Variants in TMC1 observed in about 807,000 individuals in gnomAD.
TMC1 encodes transmembrane channel like 1.
In TMC1, 84 loss-of-function variants were observed where a neutral mutation model predicts 105.8. That is an observed-to-expected ratio of 0.79 (90% CI 0.67 to 0.95). The LOEUF is 0.95. TMC1 is among the 40% of genes least tolerant of loss of function. The pLI, the probability that TMC1 is intolerant of heterozygous loss-of-function variation, is 0.00. For synonymous variants in TMC1, 315 were observed against 311.5 expected (o/e 1.01, Z -0.12); for missense variants, 817 against 914.1 (o/e 0.89, Z 1.37).
chr9:72,527,801 T>C (rs1351235975), intron 1 of TMC1, among the ~76,000 whole-genome samples: 1 of 152,228 alleles, frequency 6.6e-6, no homozygotes, highest in East Asian at 1.9e-4. Context: ...CTCTGGGTGT[T>C]CTGCCTCTAT....
intron 13 of TMC1, among the ~76,000 whole-genome samples, chr9:72,783,290 A>G (rs1285338868): frequency 6.6e-6 from 1 of 152,178 alleles, no homozygotes; most frequent in African/African-American, 2.4e-5. Flanking sequence ...AGCCTCTAAA[A>G]CAGGGAAACC....
chr9:72,834,576 G>A lies in TMC1; in HGVS notation c.2261-1375G>A, dbSNP rs113322728. 6.8e-4 allele frequency among the ~76,000 whole-genome samples: 103 copies of A among 152,208 alleles called. 1 individual carries two copies. The highest frequency in any genetic ancestry group is 2.4e-3 in the African/African-American group (99 of 41,534). ...ACTCCTGCCCAGAGAGTAAAGATTT[G>A]CCTGGCAAATCTGTAGCACCTGAGT... On this transcript the variant is annotated intron_variant, in intron 23 of 23. Coordinates refer to ENST00000297784, the MANE Select transcript of TMC1 (RefSeq NM_138691.3).
At chr9:72,624,436 T>C (rs60661139) in intron 3 of TMC1, among the ~76,000 whole-genome samples, 16,910 of 152,198 alleles carry the variant, frequency 0.11, 954 homozygotes, top group Non-Finnish European at 0.13. Context: ...TTCAAATCTT[T>C]TTTTCTTGTC....
At chr9:72,688,671 A>G (rs1826414543) in intron 5 of TMC1, 38 bp from the exon 6 acceptor site, 2 of 1,553,366 alleles carry the variant, frequency 1.3e-6, no homozygotes, top group Non-Finnish European at 8.9e-7. Context: ...TTGTACAGGC[A>G]TTTAAATAAT....
At chr9:72,805,017 T>C (rs771773425) in intron 17 of TMC1, among the ~76,000 whole-genome samples, 2 of 152,206 alleles carry the variant, frequency 1.3e-5, no homozygotes, top group East Asian at 1.9e-4. Context: ...CCCTCTATCA[T>C]ATACGTTGCA....
At chr9:72,741,305 G>A (rs974943341) in intron 9 of TMC1, 2 of 322,082 alleles carry the variant, frequency 6.2e-6, no homozygotes, top group South Asian at 4.1e-5. Flanking sequence ...CCACCTTATA[G>A]TATTTCAGGA....
At chr9:72,645,817 C>T (rs1239068726) in intron 4 of TMC1, among the ~76,000 whole-genome samples, 2 of 152,108 alleles carry the variant, frequency 1.3e-5, no homozygotes, top group African/African-American at 4.8e-5. Context: ...CTTTAAGGGG[C>T]ACCCATTTTT....
chr9:72,600,327 G>A (rs900215823), intron 2 of TMC1, among the ~76,000 whole-genome samples: 3 of 152,100 alleles, frequency 2.0e-5, no homozygotes, highest in African/African-American at 7.2e-5. Flanking sequence ...TACTAGCTTT[G>A]TCGCTGATTC....
intron 4 of TMC1, among the ~76,000 whole-genome samples, chr9:72,630,017 C>T (rs1264124640): frequency 2.0e-5 from 3 of 151,986 alleles, no homozygotes; most frequent in African/African-American, 2.4e-5. Context: ...AGGCGCCTGC[C>T]ACCATGCCTG....
chr9:72,571,452 T>A, intron 1 of TMC1, among the ~76,000 whole-genome samples: 1 of 151,332 alleles, frequency 6.6e-6, no homozygotes, highest in East Asian at 1.9e-4. Flanking sequence ...CTTTTTTTTT[T>A]TTTCTTTTTT....
intron 4 of TMC1, among the ~76,000 whole-genome samples, chr9:72,638,080 C>A (rs186745764): frequency 6.6e-6 from 1 of 152,138 alleles, no homozygotes; most frequent in Admixed American, 6.5e-5. Context: ...ACCACCACCC[C>A]CTTCATTCCA....
At chr9:72,788,234 C>A in intron 13 of TMC1, 105 bp from the exon 14 acceptor site, 1 of 1,220,590 alleles carries the variant, frequency 8.2e-7, no homozygotes, top group Non-Finnish European at 1.2e-6. Context: ...AAATATATGT[C>A]TTTTTGCTAT....
chr9:72,553,269 G>A, intron 1 of TMC1, among the ~76,000 whole-genome samples: 1 of 152,046 alleles, frequency 6.6e-6, no homozygotes, highest in East Asian at 1.9e-4. Flanking sequence ...CACCAAGCCT[G>A]GCTCCAATTC....
At chr9:72,544,171 G>A (rs959042212) in intron 1 of TMC1, among the ~76,000 whole-genome samples, 1 of 151,790 alleles carries the variant, frequency 6.6e-6, no homozygotes, top group African/African-American at 2.4e-5. Flanking sequence ...GGCTGGTCTC[G>A]AACAGCTGAG....
intron 5 of TMC1, among the ~76,000 whole-genome samples, chr9:72,680,120 A>G (rs1826263538): frequency 6.6e-6 from 1 of 152,118 alleles, no homozygotes; most frequent in African/African-American, 2.4e-5. Context: ...AGTCTAAGAT[A>G]GAGATGGCTG....
chr9:72,763,939 A>G (rs190083453), intron 12 of TMC1, among the ~76,000 whole-genome samples: 12 of 152,306 alleles, frequency 7.9e-5, no homozygotes, highest in Admixed American at 6.5e-5. Flanking sequence ...TGACTAGGTT[A>G]GAGACTAAGG....
intron 2 of TMC1, among the ~76,000 whole-genome samples, chr9:72,595,244 G>C (rs1824699701): frequency 6.6e-6 from 1 of 152,160 alleles, no homozygotes; most frequent in African/African-American, 2.4e-5. Context: ...ATTTTGGTCA[G>C]TTACTTCCCT....
intron 8 of TMC1, among the ~76,000 whole-genome samples, chr9:72,723,272 G>GAA (rs34381995): frequency 0.23 from 34,545 of 151,878 alleles, 4,230 homozygotes; most frequent in East Asian, 0.38. Flanking sequence ...AGCATGCATA[G>GAA]AGTTTCAGTT....
chr9:72,550,739 T>C (rs1823848911), intron 1 of TMC1, among the ~76,000 whole-genome samples: 2 of 151,182 alleles, frequency 1.3e-5, no homozygotes, highest in Non-Finnish European at 2.9e-5. Flanking sequence ...GTGGGTGTGG[T>C]AGGCAGAATA....
Sources: allele counts gnomAD v4.1 joint callset (sites outside exome capture counted in the v4.1 genomes callset), GRCh38; gene constraint gnomAD v4.1.1; transcripts MANE v1.5; gene names NCBI Gene and HGNC (gene_info 2026-07-23, HGNC 2026-07-21).